The following PLXNA4 variants were observed in gnomAD, a reference collection of about 807,000 sequenced individuals.
The protein encoded by PLXNA4 is plexin-A4.
Under a neutral mutation model 191.8 loss-of-function variants are expected in PLXNA4, and 44 were observed. The observed-to-expected ratio is 0.23, with a 90% confidence interval of 0.18 to 0.29. The LOEUF is 0.29. PLXNA4 is among the 10% of genes least tolerant of loss of function. The pLI is 1.00. For synonymous variants in PLXNA4, 1,082 were observed against 1,009.5 expected (o/e 1.07, Z -1.36); for missense variants, 1,800 against 2,488.8 (o/e 0.72, Z 5.89).
At chr7:132,411,030 C>T (rs1225856858) in intron 3 of PLXNA4, among the ~76,000 whole-genome samples, 5 of 152,146 alleles carry the variant, frequency 3.3e-5, no homozygotes, top group Non-Finnish European at 7.4e-5. Context: ...ATCCGGCTGT[C>T]ATGGAATAAA....
chr7:132,174,828 G>C lies in PLXNA4; in HGVS notation c.3967C>G (p.Arg1323Gly). The part of the protein sequence containing the change: ...PFLDYRTYTM[R>G]VLFPGIEDHP... The stretch of plus-strand genomic sequence containing the variant: ...TCTTCAATTCCTGGGAACAGCACCC[G>C]CATGGTGTAAGTTCTATAGTCCAGG... The change falls in exon 21 of 32, where the codon CGG becomes GGG. Residue 1323 changes from arginine (R) to glycine (G), a missense_variant. By Grantham distance (125) the Arg-to-Gly change is moderately radical (BLOSUM62 -2). Around this residue, in one of 6 missense-constraint regions of PLXNA4, gnomAD observed 1,397 missense variants for 1,880.4 expected, o/e 0.74. Transcript: ENST00000321063. 6.2e-7 allele frequency: 1 copy of C among 1,614,202 alleles called. No individual in the cohort carries two copies. Among genetic ancestry groups the C allele is most frequent in the Non-Finnish European group, 8.5e-7 (1 of 1,180,028 alleles).
chr7:132,147,802 C>G, intron 27 of PLXNA4, 98 bp downstream of exon 27: 2 of 1,511,720 alleles, frequency 1.3e-6, no homozygotes, highest in Non-Finnish European at 1.8e-6. Context: ...GCCCCATCTC[C>G]CCTCTCCAAG....
intron 31 of PLXNA4, among the ~76,000 whole-genome samples, chr7:132,131,521 G>C (rs527355357): frequency 5.3e-5 from 8 of 152,280 alleles, no homozygotes; most frequent in Non-Finnish European, 1.0e-4. Flanking sequence ...AGGGCAAGGA[G>C]ATGAGAAGGA....
chr7:132,562,027 CCTT>C (rs1443855644), intron 1 of PLXNA4, among the ~76,000 whole-genome samples: 18 of 90,668 alleles, frequency 2.0e-4, no homozygotes, highest in South Asian at 6.8e-4. Context: ...TCCTCCTCCT[CCTT>C]CTCCTCCTCT....
intron 2 of PLXNA4, among the ~76,000 whole-genome samples, chr7:132,634,246 T>C (rs1803550780): frequency 6.6e-6 from 1 of 152,094 alleles, no homozygotes; most frequent in Non-Finnish European, 1.5e-5. Context: ...GGATACTAAG[T>C]GAAAATGCTA....
chr7:132,319,302 C>T (rs956852491), intron 3 of PLXNA4, among the ~76,000 whole-genome samples: 2 of 152,166 alleles, frequency 1.3e-5, no homozygotes, highest in Non-Finnish European at 2.9e-5. Context: ...AGCCCAGGAA[C>T]GTGCATTTTG....
At chr7:132,582,215 G>A (rs1802415627), upstream of PLXNA4, among the ~76,000 whole-genome samples, 1 of 152,210 alleles carries the variant, frequency 6.6e-6, no homozygotes, top group African/African-American at 2.4e-5. Context: ...GTTTAAATGA[G>A]TCACTTGGCC....
intron 30 of PLXNA4, among the ~76,000 whole-genome samples, chr7:132,135,568 A>C (rs1218113040): frequency 1.3e-5 from 2 of 152,186 alleles, no homozygotes; most frequent in East Asian, 3.9e-4. Flanking sequence ...CTAGGGAAAA[A>C]AACAGAAGCC....
intron 5 of PLXNA4, among the ~76,000 whole-genome samples, chr7:132,229,385 G>A (rs955635127): frequency 1.3e-5 from 2 of 152,190 alleles, no homozygotes; most frequent in African/African-American, 4.8e-5. Flanking sequence ...CTCCTGAAAT[G>A]CAGGCATCAC....
intron 3 of PLXNA4, among the ~76,000 whole-genome samples, chr7:132,446,229 C>T (rs757510425): frequency 1.7e-4 from 26 of 152,184 alleles, no homozygotes; most frequent in Non-Finnish European, 3.2e-4. Context: ...GCACTTCATC[C>T]CCACTAGTAA....
intron 2 of PLXNA4, among the ~76,000 whole-genome samples, chr7:132,499,585 C>T (rs1237223341): frequency 3.3e-5 from 5 of 152,300 alleles, no homozygotes; most frequent in Non-Finnish European, 7.4e-5. Flanking sequence ...GCAGACTCAG[C>T]AGCCACAAGG....
chr7:132,477,138 G>A (rs961739470), intron 3 of PLXNA4, among the ~76,000 whole-genome samples: 1 of 152,202 alleles, frequency 6.6e-6, no homozygotes, highest in African/African-American at 2.4e-5. Flanking sequence ...AGATGACCAA[G>A]AAGATAGTTC....
At chr7:132,597,857 C>CTATATATATATA (rs372984088) in intron 2 of PLXNA4, among the ~76,000 whole-genome samples, 2 of 58,100 alleles carry the variant, frequency 3.4e-5, no homozygotes, top group Non-Finnish European at 1.0e-4. Flanking sequence ...CTCTCTCTCT[C>CTATATATATATA]TCTATATATA....
At chr7:132,482,590 A>G (rs1797381302) in intron 3 of PLXNA4, among the ~76,000 whole-genome samples, 1 of 152,190 alleles carries the variant, frequency 6.6e-6, no homozygotes. Flanking sequence ...AGTGTTGTTC[A>G]AAGCCTCTAA....
chr7:132,526,902 C>A (rs77522034), intron 1 of PLXNA4, among the ~76,000 whole-genome samples: 21 of 152,222 alleles, frequency 1.4e-4, no homozygotes, highest in Admixed American at 1.1e-3. Flanking sequence ...CCCTGCCCCA[C>A]GGTGGCACAA....
At chr7:132,248,093 G>A (rs77960290) in intron 4 of PLXNA4, among the ~76,000 whole-genome samples, 6,173 of 152,260 alleles carry the variant, frequency 0.041, 335 homozygotes, top group Admixed American at 0.14. Flanking sequence ...TGAATGGTAG[G>A]AAACACGAGG....
At chr7:132,588,126 C>T (rs1802535022) in intron 2 of PLXNA4, among the ~76,000 whole-genome samples, 3 of 152,040 alleles carry the variant, frequency 2.0e-5, no homozygotes, top group Admixed American at 1.3e-4. Flanking sequence ...ATCTTAATGT[C>T]CCACAGAGGC....
At chr7:132,621,179 A>G (rs1216209792) in intron 2 of PLXNA4, among the ~76,000 whole-genome samples, 1 of 151,626 alleles carries the variant, frequency 6.6e-6, no homozygotes, top group Non-Finnish European at 1.5e-5. Flanking sequence ...CAAGTGAACC[A>G]TAGTTTACTT....
At chr7:132,324,923 A>G (rs180720939) in intron 3 of PLXNA4, among the ~76,000 whole-genome samples, 1 of 152,304 alleles carries the variant, frequency 6.6e-6, no homozygotes, top group African/African-American at 2.4e-5. Context: ...CAGAATCCAC[A>G]AAGATTAAAA....
Sources: allele counts gnomAD v4.1 joint callset (sites outside exome capture counted in the v4.1 genomes callset), GRCh38; gene constraint gnomAD v4.1.1; regional missense constraint gnomAD v4.1.1; transcripts MANE v1.5; gene names NCBI Gene and HGNC (gene_info 2026-07-23, HGNC 2026-07-21).